The following SVOPL variants were observed in gnomAD, a reference collection of about 807,000 sequenced individuals.
The protein encoded by SVOPL is SVOP like.
Under a neutral mutation model 61.0 loss-of-function variants are expected in SVOPL, and 60 were observed. The ratio of observed to expected loss-of-function variants is 0.98; its 90% CI spans 0.80 to 1.22. The LOEUF (loss-of-function observed/expected upper bound fraction) is 1.22. Ranked by LOEUF, SVOPL falls within the 50% of genes most tolerant of loss-of-function variation. The pLI, the probability that SVOPL is intolerant of heterozygous loss-of-function variation, is 0.00. For missense variants in SVOPL, 662 were observed against 643.9 expected (o/e 1.03, Z -0.30); for synonymous variants, 279 against 250.0 (o/e 1.12, Z -1.09).
At chr7:138,618,371 G>C (rs1484446278) in intron 14 of SVOPL, among the ~76,000 whole-genome samples, 2 of 151,946 alleles carry the variant, frequency 1.3e-5, no homozygotes, top group Non-Finnish European at 2.9e-5. Context: ...TTAGAAAGGA[G>C]GGTAGCAGGC....
At chr7:138,596,630 G>T in intron 14 of SVOPL, 100 bp from the exon 15 acceptor site, 1 of 1,471,758 alleles carries the variant, frequency 6.8e-7, no homozygotes, top group Non-Finnish European at 9.0e-7. Context: ...CACTAAGATG[G>T]TCCTTTGCAG....
At chr7:138,655,613 T>C (rs372341064) in intron 7 of SVOPL, among the ~76,000 whole-genome samples, 1 of 148,926 alleles carries the variant, frequency 6.7e-6, no homozygotes. Flanking sequence ...TACAGTAATA[T>C]ATGTGCATAT....
chr7:138,606,409 T>C (rs886707826), intron 14 of SVOPL, among the ~76,000 whole-genome samples: 1 of 152,152 alleles, frequency 6.6e-6, no homozygotes, highest in Non-Finnish European at 1.5e-5. Context: ...CTTCCCTACC[T>C]GTGTAACTTC....
chr7:138,654,202 G>A (rs76319094), intron 7 of SVOPL, among the ~76,000 whole-genome samples: 3,575 of 151,496 alleles, frequency 0.024, 115 homozygotes, highest in East Asian at 0.14. Flanking sequence ...AAGTCCTGGT[G>A]TTTGCTAGAT....
intron 14 of SVOPL, among the ~76,000 whole-genome samples, chr7:138,600,977 C>T (rs112802609): frequency 3.3e-5 from 5 of 152,174 alleles, no homozygotes; most frequent in East Asian, 1.9e-4. Context: ...ATAGGCCGGG[C>T]GCGGTGGCTC....
At chr7:138,663,292 G>GC in intron 4 of SVOPL, 147 bp from the exon 5 acceptor site, 1 of 1,463,240 alleles carries the variant, frequency 6.8e-7, no homozygotes, top group Non-Finnish European at 9.0e-7. Context: ...GGTCTTGCTT[G>GC]CCCCTGAGGC....
rs142884011 is a variant in SVOPL, at chr7:138,628,326, C to G, written c.901G>C (p.Ala301Pro). 6.2e-7 allele frequency: 1 copy of G among 1,614,090 alleles called. No individual in the cohort carries two copies. Among genetic ancestry groups the G allele is most frequent in the East Asian group, 2.2e-5 (1 of 44,882 alleles). The change falls in exon 11 of 16, where the codon GCC becomes CCC. Residue 301 changes from alanine to proline, a missense_variant. Transcript: ENST00000674285. ...ISFAYYGVIL[A>P]SAELLERDLV... ...TCCCGCTCCAGCAGCTCAGCACTGG[C>G]CAGGATAACCCCATAGTAGGCAAAA...
chr7:138,626,025 T>C lies in SVOPL; in HGVS notation c.1207A>G (p.Met403Val), dbSNP rs773402162. ...TTTGCAGCTACCAGAGCCCTCAGCA[T>C]GAAGAGGAAGCCAATCAGGCCGGCA... is the stretch of plus-strand genomic sequence containing the variant. Reference protein sequence around the residue: ...SSAGLIGFLFMLRALVAANFN... With the variant: ...SSAGLIGFLFVLRALVAANFN... Residue 403 changes from methionine to valine, a missense_variant, in exon 13 of 16, where the codon ATG becomes GTG. By Grantham distance (21) the Met-to-Val change is conservative (BLOSUM62 1). Transcript: ENST00000674285. 1 of 1,613,814 alleles carries C rather than the reference T, an allele frequency of 6.2e-7. No homozygotes were observed. The highest frequency in any genetic ancestry group is 1.7e-5 in the Admixed American group (1 of 59,980).
At chr7:138,616,261 A>G (rs1405453486) in intron 14 of SVOPL, among the ~76,000 whole-genome samples, 1 of 152,234 alleles carries the variant, frequency 6.6e-6, no homozygotes, top group African/African-American at 2.4e-5. Flanking sequence ...AGTTTCCCAG[A>G]ATAAGTGCGG....
At chr7:138,673,409 C>T (rs1335965786) in intron 3 of SVOPL, among the ~76,000 whole-genome samples, 2 of 152,150 alleles carry the variant, frequency 1.3e-5, no homozygotes, top group Admixed American at 1.3e-4. Flanking sequence ...GTAATCTGAG[C>T]ACTTTGGAAG....
rs71520007 is a variant in SVOPL, at chr7:138,599,141, CAA to C, written c.1354-2613_1354-2612del. Among the ~76,000 whole-genome samples the C allele has an allele frequency of 1.8e-4, 5 of 28,146 alleles. 1 individual carries two copies. Among genetic ancestry groups the C allele is most frequent in the African/African-American group, 1.3e-3 (4 of 3,068 alleles). 18.5% of individuals were successfully genotyped at this position (28,146 alleles called of 152,430 possible). On this transcript the variant is annotated intron_variant, in intron 14 of 15. Coordinates refer to ENST00000674285, the MANE Select transcript of SVOPL (RefSeq NM_001139456.2). ...TGGGCAACATAGTGAGATCCGTCTC[CAA>C]AAAAAAAAAAAAAACCAAAAAAAAA...
chr7:138,650,530 G>A (rs554366035), intron 7 of SVOPL, among the ~76,000 whole-genome samples: 12 of 151,264 alleles, frequency 7.9e-5, no homozygotes, highest in Admixed American at 5.3e-4. Context: ...AGATTTTGGG[G>A]CCAGTGCGGT....
chr7:138,677,106 A>G (rs984293641), intron 3 of SVOPL, among the ~76,000 whole-genome samples: 23 of 152,026 alleles, frequency 1.5e-4, no homozygotes, highest in East Asian at 3.9e-4. Context: ...GGGTTTCACC[A>G]TGTTAGCCAG....
At chr7:138,667,871 C>T (rs1157096026) in intron 4 of SVOPL, among the ~76,000 whole-genome samples, 2 of 152,062 alleles carry the variant, frequency 1.3e-5, no homozygotes, top group Non-Finnish European at 2.9e-5. Context: ...GAGTAACTTA[C>T]TTTATAGTTT....
rs370024245 is a variant in SVOPL at position 138,659,974 on chromosome 7, C to A, written c.360G>T (p.Ser120=). The stretch of plus-strand genomic sequence containing the variant: ...AGGAGAAATAGGCTCCCCACAGGAA[C>A]GAGATGAGCAGAATCTGAAGCAACA... ...RYGRWKILLI[S]FLWGAYFSLL... Residue 120 remains serine, a synonymous_variant, in exon 6 of 16, where the codon TCG becomes TCT. Coordinates refer to ENST00000674285, the MANE Select transcript of SVOPL (RefSeq NM_001139456.2). 4 of 1,551,430 alleles carry A rather than the reference C, an allele frequency of 2.6e-6. No homozygotes were observed. The highest frequency in any genetic ancestry group is 2.6e-6 in the Non-Finnish European group (3 of 1,146,948).
chr7:138,694,218 T>C (rs1400893691), intron 1 of SVOPL, among the ~76,000 whole-genome samples: 1 of 152,206 alleles, frequency 6.6e-6, no homozygotes, highest in African/African-American at 2.4e-5. Context: ...ACGATATAGG[T>C]GGGCATAAGG....
At chr7:138,611,909 T>C (rs1365094159) in intron 14 of SVOPL, among the ~76,000 whole-genome samples, 134 of 21,806 alleles carry the variant, frequency 6.1e-3, no homozygotes, top group African/African-American at 0.01. Flanking sequence ...CAACAGCTCA[T>C]TGAGAACGGG....
intron 1 of SVOPL, among the ~76,000 whole-genome samples, chr7:138,680,648 G>A (rs189386327): frequency 6.6e-6 from 1 of 151,618 alleles, no homozygotes; most frequent in Non-Finnish European, 1.5e-5. Flanking sequence ...GCCCGATCTC[G>A]GCTCACTGCA....
rs549749143 is a variant in SVOPL, at chr7:138,689,383, G to A, written c.-34-10304C>T. 3.2e-5 allele frequency: 49 copies of A among 1,542,562 alleles called. No individual in the cohort carries two copies. The South Asian group carries it at 4.0e-4, about 13-fold the overall frequency. ...CGCCGGATCGACAGAGCTTATGGTC[G>A]GATTTACCCATGCATGAGCTCTCCC... On this transcript the variant is annotated intron_variant, in intron 1 of 15. Coordinates refer to ENST00000674285, the MANE Select transcript of SVOPL (RefSeq NM_001139456.2).
Sources: gnomAD v4.1 joint callset for allele counts (sites outside exome capture counted in the v4.1 genomes callset) on GRCh38, gnomAD v4.1.1 for gene constraint, MANE v1.5 for transcripts, NCBI Gene and HGNC (gene_info 2026-07-23, HGNC 2026-07-21) for gene names.